The following ZMYM4 variants were observed in gnomAD, a reference collection of about 807,000 sequenced individuals.
The protein encoded by ZMYM4 is zinc finger MYM-type containing 4, also known as zinc finger MYM-type protein 4.
ZMYM4 carries 31 observed loss-of-function variants against 183.2 expected under a neutral mutation model. That is an observed-to-expected ratio of 0.17 (90% CI 0.13 to 0.23). The LOEUF is 0.23. ZMYM4 is among the 10% of genes least tolerant of loss of function. The probability of loss-of-function intolerance (pLI) is 1.00; values close to 1 mark genes in which losing one functional copy is unlikely to be tolerated. For missense variants in ZMYM4, 1,273 were observed against 1,840.3 expected, an observed-to-expected ratio of 0.69 and a Z score of 5.64; for synonymous variants, 592 against 631.2, an observed-to-expected ratio of 0.94 and a Z score of 0.93.
At chr1:35,269,150 C>T (rs1639461826) in intron 1 of ZMYM4, 65 bp downstream of exon 1, 1 of 1,535,026 alleles carries the variant, frequency 6.5e-7, no homozygotes, top group Admixed American at 2.0e-5. Flanking sequence ...CGGGAATGGG[C>T]CATACTCAGG....
At chr1:35,417,054 G>A (rs1200227857) in intron 28 of ZMYM4, among the ~76,000 whole-genome samples, 1 of 152,108 alleles carries the variant, frequency 6.6e-6, no homozygotes, top group East Asian at 1.9e-4. Flanking sequence ...CAGGAAGCTG[G>A]GGAAAGTCCT....
intron 5 of ZMYM4, among the ~76,000 whole-genome samples, chr1:35,366,434 T>G (rs1644081449): frequency 1.3e-5 from 2 of 152,144 alleles, no homozygotes; most frequent in South Asian, 4.1e-4. Context: ...TCAATCCATG[T>G]TAAAGAAATT....
chr1:35,405,960 A>G (rs771159121), intron 25 of ZMYM4, among the ~76,000 whole-genome samples: 2 of 152,182 alleles, frequency 1.3e-5, no homozygotes, highest in Non-Finnish European at 2.9e-5. Context: ...TTCATTTTTC[A>G]CTACTTTTGA....
chr1:35,393,157 G>A (rs926191657), intron 17 of ZMYM4, among the ~76,000 whole-genome samples: 2 of 152,066 alleles, frequency 1.3e-5, no homozygotes, highest in African/African-American at 2.4e-5. Flanking sequence ...CATTTCTAAG[G>A]TGTTTCTCCA....
intron 2 of ZMYM4, among the ~76,000 whole-genome samples, chr1:35,347,201 T>C (rs1643430102): frequency 6.6e-6 from 1 of 152,300 alleles, no homozygotes; most frequent in South Asian, 2.1e-4. Context: ...GAGACAGGGT[T>C]TCACCATGTT....
At chr1:35,332,325 A>G (rs960017590) in intron 2 of ZMYM4, among the ~76,000 whole-genome samples, 28 of 151,942 alleles carry the variant, frequency 1.8e-4, no homozygotes, top group African/African-American at 6.8e-4. Context: ...AAATCACCCC[A>G]TAACTAATGG....
intron 2 of ZMYM4, among the ~76,000 whole-genome samples, chr1:35,353,577 G>A (rs1419405777): frequency 6.6e-6 from 1 of 152,088 alleles, no homozygotes. Context: ...TACTCACAGT[G>A]TCTAAAAGCC....
chr1:35,387,683 T>TCG (rs1644607189), intron 13 of ZMYM4, 79 bp downstream of exon 13: 1 of 1,413,748 alleles, frequency 7.1e-7, no homozygotes, highest in African/African-American at 1.4e-5. Flanking sequence ...GCTTTCACTG[T>TCG]CTAAGTTAAT....
chr1:35,399,624 A>G (rs1644867494), intron 23 of ZMYM4, 48 bp downstream of exon 23: 1 of 1,597,940 alleles, frequency 6.3e-7, no homozygotes, highest in South Asian at 1.1e-5. Context: ...TTCATTCTAC[A>G]AGCATTATTT....
At chr1:35,411,299 G>A (rs1045641801) in intron 26 of ZMYM4, among the ~76,000 whole-genome samples, 7 of 150,114 alleles carry the variant, frequency 4.7e-5, no homozygotes, top group South Asian at 2.1e-4. Flanking sequence ...GATTACAGGC[G>A]CCCGCCACTA....
chr1:35,268,733 C>A lies in ZMYM4; in HGVS notation c.-314C>A, dbSNP rs1192596219. Among the ~76,000 whole-genome samples the A allele has an allele frequency of 3.3e-5, 5 of 152,198 alleles. No individual in the cohort carries two copies. Among genetic ancestry groups the A allele is most frequent in the Admixed American group, 2.6e-4 (4 of 15,290 alleles). On this transcript the variant is annotated 5_prime_UTR_variant, in exon 1 of 30. Coordinates refer to ENST00000314607, the MANE Select transcript of ZMYM4 (RefSeq NM_005095.3). ...TGATTTGGTGATCCCTTTAAGAAAC[C>A]GCAGGCGGAGGAATTTCTCTGAGAG...
chr1:35,387,413 A>C, intron 12 of ZMYM4, 41 bp from the exon 13 acceptor site: 12 of 1,577,474 alleles, frequency 7.6e-6, no homozygotes, highest in Non-Finnish European at 1.0e-5. Flanking sequence ...CATAAGACAA[A>C]CCAAATGTTT....
intron 1 of ZMYM4, among the ~76,000 whole-genome samples, chr1:35,286,780 T>TAA (rs1640516634): frequency 4.1e-5 from 3 of 72,578 alleles, no homozygotes; most frequent in African/African-American, 2.9e-4. Flanking sequence ...TAATTTTTTT[T>TAA]TTTTTTTTTT....
intron 2 of ZMYM4, among the ~76,000 whole-genome samples, chr1:35,347,761 G>T (rs1643452721): frequency 6.6e-6 from 1 of 151,996 alleles, no homozygotes; most frequent in African/African-American, 2.4e-5. Flanking sequence ...TTGGGTCATT[G>T]GTACCGTCTC....
At position 35,419,994 on chromosome 1, in the gene ZMYM4, A is replaced by T. The variant is rs1640272815; in HGVS notation, c.*317A>T. On this transcript the variant is annotated 3_prime_UTR_variant, in exon 30 of 30. Transcript: ENST00000314607. ...ATATTTTTAAGGAAAACTGTTGTAT[A>T]AAACTTTACCATAGTAACCTTAGAC... The T allele has an allele frequency of 2.8e-6, 1 of 351,076 alleles. No homozygotes were observed. The highest frequency in any genetic ancestry group is 2.1e-5 in the African/African-American group (1 of 47,308). 21.7% of individuals were successfully genotyped at this position (351,076 alleles called of 1,614,324 possible).
intron 23 of ZMYM4, chr1:35,400,197 CTATT>C (rs1186770070): frequency 8.0e-6 from 1 of 124,676 alleles, no homozygotes; most frequent in Non-Finnish European, 1.6e-5. Flanking sequence ...GAGTAGTTCA[CTATT>C]TTTTTTTTTT....
chr1:35,355,582 A>T (rs1388065401), intron 2 of ZMYM4, among the ~76,000 whole-genome samples: 1 of 151,806 alleles, frequency 6.6e-6, no homozygotes, highest in Admixed American at 6.6e-5. Flanking sequence ...ATGAAATAAA[A>T]CCTTTTAAAT....
In ZMYM4 at chr1:35,376,764, G is replaced by T. The variant is rs188763783; in HGVS notation, c.1182-4495G>T. On this transcript the variant is annotated intron_variant, in intron 7 of 29. Transcript: ENST00000314607. ...TGGTCTTGATCTCTTGACCTCAGGT[G>T]ATCTGCCCACCTCGGCCTCCCAAAG... is the stretch of plus-strand genomic sequence containing the variant. Among the ~76,000 whole-genome samples, 145 of 152,218 alleles carry T rather than the reference G, an allele frequency of 9.5e-4. 2 individuals carry two copies. In the East Asian group the frequency reaches 0.025, roughly 26 times the overall value.
intron 2 of ZMYM4, chr1:35,351,402 A>G (rs1375525523): frequency 1.9e-5 from 30 of 1,573,410 alleles, no homozygotes; most frequent in Non-Finnish European, 2.6e-5. Flanking sequence ...ATACATAAAG[A>G]ACAGCGTAAC....
Sources: gnomAD v4.1 joint callset for allele counts (sites outside exome capture counted in the v4.1 genomes callset) on GRCh38, gnomAD v4.1.1 for gene constraint, MANE v1.5 for transcripts, NCBI Gene and HGNC (gene_info 2026-07-23, HGNC 2026-07-21) for gene names.